Variants in NRBF2 observed in about 807,000 individuals in gnomAD.
NRBF2 encodes nuclear receptor binding factor 2, also known as nuclear receptor-binding factor 2.
A neutral mutation model predicts 28.5 loss-of-function variants in NRBF2; 12 were observed. That is an observed-to-expected ratio of 0.42 (90% CI 0.27 to 0.68). NRBF2 has a LOEUF of 0.68. Among genes scored for constraint, NRBF2 ranks in the 30% least tolerant of loss-of-function variants. NRBF2 has a pLI of 0.24. For synonymous variants in NRBF2, 102 were observed against 116.5 expected (o/e 0.88, Z 0.80); for missense variants, 274 against 333.5 (o/e 0.82, Z 1.39).
intron 2 of NRBF2, among the ~76,000 whole-genome samples, chr10:63,149,906 C>T (rs1280769427): frequency 6.6e-6 from 1 of 150,886 alleles, no homozygotes; most frequent in Non-Finnish European, 1.5e-5. Flanking sequence ...TACAGTGTAT[C>T]AGAGCGGTAG....
At chr10:63,138,805 A>G (rs1841417486) in intron 1 of NRBF2, among the ~76,000 whole-genome samples, 1 of 152,122 alleles carries the variant, frequency 6.6e-6, no homozygotes, top group Non-Finnish European at 1.5e-5. Context: ...CTTCAGTATA[A>G]TTGCGTTATA....
chr10:63,153,175 A>C (rs2132697907), intron 3 of NRBF2, among the ~76,000 whole-genome samples: 1 of 152,338 alleles, frequency 6.6e-6, no homozygotes, highest in Non-Finnish European at 1.5e-5. Flanking sequence ...GAATCTGCTC[A>C]TGATACAGGC....
Position 63,154,259 on chromosome 10 carries a change from A to G in NRBF2, c.*41A>G. 9.3e-7 allele frequency: 1 copy of G among 1,072,702 alleles called. No homozygotes were observed. The highest frequency in any genetic ancestry group is 1.4e-6 in the Non-Finnish European group (1 of 727,714). The allele number at this position is 1,072,702 out of a possible 1,614,324, so 66.4% of individuals were successfully genotyped here. On this transcript the variant is annotated 3_prime_UTR_variant, in exon 4 of 4. Coordinates refer to ENST00000277746, the MANE Select transcript of NRBF2 (RefSeq NM_030759.5). The stretch of plus-strand genomic sequence containing the variant: ...AAAAGGGGAAAAGAGGAAATAATAC[A>G]GTAATCGTTAATCCAGCAAAAAGAA...
Position 63,133,508 on chromosome 10 carries a change from T to C in NRBF2, c.30+8T>C, listed in dbSNP as rs543503112. On this transcript the variant is annotated splice_region_variant and intron_variant, in intron 1 of 3. Transcript: ENST00000277746. ...GAAGGACCCCTCAACCTGGTGAGTGTCCCACAGAATATAGCGTTCGTCTTG... is the reference window on the plus strand; with the variant it reads ...GAAGGACCCCTCAACCTGGTGAGTGCCCCACAGAATATAGCGTTCGTCTTG... The C allele has an allele frequency of 6.2e-7, 1 of 1,602,574 alleles. No individual in the cohort carries two copies. Among genetic ancestry groups the C allele is most frequent in the Admixed American group, 1.7e-5 (1 of 59,706 alleles).
rs1352050381 is a variant in NRBF2, at chr10:63,154,770, C to T, written c.*552C>T. 2 of 152,522 alleles carry T rather than the reference C, an allele frequency of 1.3e-5. No individual in the cohort carries two copies. Among genetic ancestry groups the T allele is most frequent in the African/African-American group, 4.8e-5 (2 of 41,406 alleles). The allele number at this position is 152,522 out of a possible 1,614,324, so 9.4% of individuals were successfully genotyped here. A position where few individuals can be genotyped will look rare whatever the true frequency, so the allele number is the denominator to read the frequency against. Reference sequence around the variant, plus strand: ...ACTTTGCACTACTCATAATGATAACCTCAAGACTATCAGAAGAAATATTTA... The same window carrying T: ...ACTTTGCACTACTCATAATGATAACTTCAAGACTATCAGAAGAAATATTTA... On this transcript the variant is annotated 3_prime_UTR_variant, in exon 4 of 4. Transcript: ENST00000277746.
chr10:63,150,911 A>G (rs1302318351), intron 2 of NRBF2, among the ~76,000 whole-genome samples: 1 of 152,164 alleles, frequency 6.6e-6, no homozygotes, highest in Non-Finnish European at 1.5e-5. Context: ...TGAGAAGCTA[A>G]TGCCGCTGCT....
At chr10:63,146,095 T>A in intron 1 of NRBF2, 114 bp from the exon 2 acceptor site, 1 of 778,500 alleles carries the variant, frequency 1.3e-6, no homozygotes, top group South Asian at 1.5e-5. Context: ...TAATAGTGAT[T>A]TGATATGTGG....
intron 2 of NRBF2, among the ~76,000 whole-genome samples, chr10:63,147,211 T>G (rs1248846550): frequency 6.6e-6 from 1 of 152,150 alleles, no homozygotes; most frequent in Non-Finnish European, 1.5e-5. Context: ...TGCCCCTCCC[T>G]TGTTATTTTA....
intron 1 of NRBF2, among the ~76,000 whole-genome samples, chr10:63,136,982 C>G (rs1841388126): frequency 6.6e-6 from 1 of 152,166 alleles, no homozygotes. Context: ...AATAGCTAGT[C>G]TTTGCACTCT....
At position 63,135,890 on chromosome 10, in the gene NRBF2, C is replaced by G. The variant is rs570377255; in HGVS notation, c.30+2390C>G. Among the ~76,000 whole-genome samples, 27 of 152,268 alleles carry G rather than the reference C, an allele frequency of 1.8e-4. No individual in the cohort carries two copies. In the South Asian group the frequency reaches 3.3e-3, roughly 19 times the overall value. On this transcript the variant is annotated intron_variant, in intron 1 of 3. Coordinates refer to ENST00000277746, the MANE Select transcript of NRBF2 (RefSeq NM_030759.5). Reference sequence around the variant, plus strand: ...TCGATCTCCTGACCTCGTGATCCCCCCGCCTGGCCTCCCAAAGTGCTGGGA... The same window carrying G: ...TCGATCTCCTGACCTCGTGATCCCCGCGCCTGGCCTCCCAAAGTGCTGGGA...
chr10:63,150,799 G>A (rs1223596307), intron 2 of NRBF2, among the ~76,000 whole-genome samples: 1 of 152,196 alleles, frequency 6.6e-6, no homozygotes, highest in Admixed American at 6.5e-5. Context: ...GTCTCATCTA[G>A]GGGTGATGGG....
intron 1 of NRBF2, among the ~76,000 whole-genome samples, chr10:63,137,456 TA>T (rs1443435479): frequency 6.6e-6 from 1 of 152,232 alleles, no homozygotes; most frequent in Non-Finnish European, 1.5e-5. Flanking sequence ...TCTTAATTTA[TA>T]TGTGGCTGTT....
At chr10:63,143,448 A>G (rs1841505795) in intron 1 of NRBF2, among the ~76,000 whole-genome samples, 1 of 152,068 alleles carries the variant, frequency 6.6e-6, no homozygotes, top group Non-Finnish European at 1.5e-5. Context: ...TTTTCAGCTA[A>G]CTGACAGAAC....
chr10:63,148,621 TA>T (rs1030869803), intron 2 of NRBF2, among the ~76,000 whole-genome samples: 1 of 152,206 alleles, frequency 6.6e-6, no homozygotes, highest in Non-Finnish European at 1.5e-5. Context: ...ATTCTGAGAC[TA>T]AAAAACTTAC....
chr10:63,134,237 T>TA (rs962193177), intron 1 of NRBF2, among the ~76,000 whole-genome samples: 1 of 152,022 alleles, frequency 6.6e-6, no homozygotes, highest in Non-Finnish European at 1.5e-5. Flanking sequence ...GTGTTGCAAT[T>TA]AAAAAACAAC....
intron 1 of NRBF2, among the ~76,000 whole-genome samples, chr10:63,135,625 C>G (rs867378080): frequency 6.0e-5 from 9 of 150,644 alleles, no homozygotes; most frequent in South Asian, 2.1e-4. Flanking sequence ...AGGCAAGTAT[C>G]AGAAATTTGG....
intron 1 of NRBF2, among the ~76,000 whole-genome samples, chr10:63,140,685 C>G (rs551148824): frequency 1.8e-4 from 28 of 151,702 alleles, no homozygotes; most frequent in Admixed American, 1.7e-3. Context: ...TAGGCATGAA[C>G]CTCCGTGCCC....
intron 2 of NRBF2, among the ~76,000 whole-genome samples, chr10:63,148,314 C>T (rs775885915): frequency 6.6e-6 from 1 of 152,092 alleles, no homozygotes; most frequent in African/African-American, 2.4e-5. Context: ...TTAGTAAATC[C>T]CACTGAGTTG....
chr10:63,140,571 A>G (rs1351156153), intron 1 of NRBF2, among the ~76,000 whole-genome samples: 2 of 151,514 alleles, frequency 1.3e-5, no homozygotes, highest in Non-Finnish European at 2.9e-5. Flanking sequence ...GCACCACTAC[A>G]CCCAGCTAAT....
Sources: allele counts gnomAD v4.1 joint callset (sites outside exome capture counted in the v4.1 genomes callset), GRCh38; gene constraint gnomAD v4.1.1; transcripts MANE v1.5; gene names NCBI Gene and HGNC (gene_info 2026-07-23, HGNC 2026-07-21).